PANK1: variants seen among roughly 807,000 people sequenced by gnomAD.
PANK1 encodes the protein pantothenic acid kinase 1.
Under a neutral mutation model 40.1 loss-of-function variants are expected in PANK1, and 18 were observed. The ratio of observed to expected loss-of-function variants is 0.45; its 90% CI spans 0.31 to 0.67. PANK1 has a LOEUF of 0.67. Ranked by LOEUF, PANK1 falls within the 30% of genes least tolerant of loss-of-function variation. PANK1 has a pLI of 0.06. For missense variants in PANK1, 457 were observed against 599.6 expected, an observed-to-expected ratio of 0.76 and a Z score of 2.48; for synonymous variants, 242 against 237.7, an observed-to-expected ratio of 1.02 and a Z score of -0.17.
chr10:89,598,954 C>G (rs983342228), intron 3 of PANK1, among the ~76,000 whole-genome samples: 8 of 152,214 alleles, frequency 5.3e-5, no homozygotes, highest in Non-Finnish European at 1.2e-4. Context: ...CTGAATTCTA[C>G]TGACCCTGCC....
chr10:89,596,360 T>C (rs1316834290), intron 3 of PANK1, among the ~76,000 whole-genome samples: 2 of 152,150 alleles, frequency 1.3e-5, no homozygotes, highest in East Asian at 3.9e-4. Context: ...CTGGCTAACT[T>C]AGAAAGAAGG....
At chr10:89,632,552 T>TGA (rs1199894654) in intron 1 of PANK1, among the ~76,000 whole-genome samples, 1 of 152,094 alleles carries the variant, frequency 6.6e-6, no homozygotes, top group Non-Finnish European at 1.5e-5. Context: ...TCAAAATAAC[T>TGA]GAAGTCATTA....
chr10:89,635,660 C>T (rs947674808), intron 1 of PANK1, among the ~76,000 whole-genome samples: 2 of 152,188 alleles, frequency 1.3e-5, no homozygotes, highest in Non-Finnish European at 2.9e-5. Flanking sequence ...AGCATCAGCT[C>T]AGAAGTTCAA....
In PANK1 at chr10:89,644,849, A is replaced by G; in HGVS notation, c.43T>C (p.Ser15Pro). 6.9e-7 allele frequency: 1 copy of G among 1,453,442 alleles called. No homozygotes were observed. The highest frequency in any genetic ancestry group is 9.0e-7 in the Non-Finnish European group (1 of 1,110,762). The allele number at this position is 1,453,442 out of a possible 1,614,324, so 90.0% of individuals were successfully genotyped here. Residue 15 changes from serine (S) to proline (P), a missense_variant, in exon 1 of 7, where the codon TCT becomes CCT. By Grantham distance (74) the Ser-to-Pro change is moderately conservative (BLOSUM62 -1). Around this residue, in one of 4 missense-constraint regions of PANK1, gnomAD observed 144 missense variants for 131.2 expected, o/e 1.10. Transcript: ENST00000307534. ...SGQQERSVPH[S>P]PGAPVGTSAA... ...CTGGTGCCCACGGGGGCCCCTGGAGAGTGCGGGACCGAGCGCTCCTGCTGC... is the reference window on the plus strand; with the variant it reads ...CTGGTGCCCACGGGGGCCCCTGGAGGGTGCGGGACCGAGCGCTCCTGCTGC...
Position 89,643,565 on chromosome 10 carries a change from G to GGAAAAGTGA in PANK1, c.292+1026_292+1034dup, listed in dbSNP as rs553248584. ...AAGAGTCAAAAAGACATAGAAACAG[G>GGAAAAGTGA]GAAAAGTGAAGGTGTTATTTGCCAA... is the stretch of plus-strand genomic sequence containing the variant. On this transcript the variant is annotated intron_variant, in intron 1 of 6. Transcript: ENST00000307534. 117 of 655,558 alleles carry GGAAAAGTGA rather than the reference G, an allele frequency of 1.8e-4. No homozygotes were observed. In the East Asian group the frequency reaches 3.0e-3, roughly 17 times the overall value. The allele number at this position is 655,558 out of a possible 1,614,324, so 40.6% of individuals were successfully genotyped here. A position where few individuals can be genotyped will look rare whatever the true frequency, so the allele number is the denominator to read the frequency against.
chr10:89,627,582 G>A (rs1447414107), intron 1 of PANK1, among the ~76,000 whole-genome samples: 22 of 152,216 alleles, frequency 1.4e-4, no homozygotes, highest in Admixed American at 1.2e-3. Context: ...GTCAGGATGC[G>A]GCAATGAGCC....
At chr10:89,618,171 G>T (rs576124723) in intron 1 of PANK1, among the ~76,000 whole-genome samples, 2 of 152,332 alleles carry the variant, frequency 1.3e-5, no homozygotes, top group South Asian at 4.1e-4. Flanking sequence ...AAGGCAGGGG[G>T]CCCAGAGGGA....
chr10:89,604,670 G>GC (rs1302636588), intron 2 of PANK1, among the ~76,000 whole-genome samples: 1 of 135,238 alleles, frequency 7.4e-6, no homozygotes, highest in Non-Finnish European at 1.5e-5. Flanking sequence ...CTCCAGCCTG[G>GC]GCACAGACTG....
chr10:89,622,426 G>C (rs1845514617), intron 1 of PANK1, among the ~76,000 whole-genome samples: 1 of 152,100 alleles, frequency 6.6e-6, no homozygotes, highest in African/African-American at 2.4e-5. Context: ...ATCTTTCTAT[G>C]GGTTTATTTG....
intron 2 of PANK1, 44 bp from the exon 3 acceptor site, chr10:89,599,549 G>T: frequency 6.3e-7 from 1 of 1,578,764 alleles, no homozygotes; most frequent in South Asian, 1.2e-5. Flanking sequence ...TGAGATAGGC[G>T]ACCATCTAAG....
chr10:89,595,824 AAAAAAAAAAATAT>A lies in PANK1; in HGVS notation c.900-1848_900-1836del, dbSNP rs1465500095. ...AGAGCCGGACTCCATCTTAAAAAAA[AAAAAAAAAAATAT>A]ATATATATATATATATATATATATA... On this transcript the variant is annotated intron_variant, in intron 3 of 6. Coordinates refer to ENST00000307534, the MANE Select transcript of PANK1 (RefSeq NM_148977.3). Among the ~76,000 whole-genome samples, 30 of 52,722 alleles carry A rather than the reference AAAAAAAAAAATAT, an allele frequency of 5.7e-4. 3 individuals carry two copies. In the East Asian group the frequency reaches 0.011, roughly 19 times the overall value. 34.6% of individuals were successfully genotyped at this position (52,722 alleles called of 152,430 possible).
Position 89,645,142 on chromosome 10 carries a change from TCGGGGATCCCCGCGCACCCCCAGC to T in PANK1, c.-275_-252del, listed in dbSNP as rs1842079805. ...GAGCACGCCAGCCCCGGGCGCGGAATCGGGGATCCCCGCGCACCCCCAGCCGGGGCTCCCGCCGCCCGCCTTCCC... is the reference window on the plus strand; with the variant it reads ...GAGCACGCCAGCCCCGGGCGCGGAATCGGGGCTCCCGCCGCCCGCCTTCCC... On this transcript the variant is annotated 5_prime_UTR_variant, in exon 1 of 7. Transcript: ENST00000307534. 1 of 1,514,698 alleles carries T rather than the reference TCGGGGATCCCCGCGCACCCCCAGC, an allele frequency of 6.6e-7. No individual in the cohort carries two copies. 93.8% of individuals were successfully genotyped at this position (1,514,698 alleles called of 1,614,324 possible). A position where few individuals can be genotyped will look rare whatever the true frequency, so the allele number is the denominator to read the frequency against.
chr10:89,600,777 T>A (rs939953462), intron 2 of PANK1, among the ~76,000 whole-genome samples: 2 of 152,124 alleles, frequency 1.3e-5, no homozygotes, highest in Admixed American at 6.5e-5. Context: ...GAAACATCAT[T>A]TTCCATGGAC....
Position 89,644,989 on chromosome 10 carries a change from T to C in PANK1, c.-98A>G. 2 of 1,576,532 alleles carry C rather than the reference T, an allele frequency of 1.3e-6. No individual in the cohort carries two copies. The highest frequency in any genetic ancestry group is 1.7e-6 in the Non-Finnish European group (2 of 1,164,454). On this transcript the variant is annotated 5_prime_UTR_variant, in exon 1 of 7. Transcript: ENST00000307534. ...TATTTCCCCGGATCCTCCCTGCGGC[T>C]TCCGATTCAGCAGCCGCAGAGCCGG...
chr10:89,602,223 A>G (rs1844809123), intron 2 of PANK1, among the ~76,000 whole-genome samples: 1 of 152,270 alleles, frequency 6.6e-6, no homozygotes, highest in African/African-American at 2.4e-5. Context: ...GAAAAAAGAA[A>G]AACCTGCCAA....
intron 3 of PANK1, among the ~76,000 whole-genome samples, chr10:89,596,579 C>G (rs973266040): frequency 1.3e-5 from 2 of 152,220 alleles, no homozygotes; most frequent in African/African-American, 4.8e-5. Flanking sequence ...TATCCTTAAC[C>G]TGCTAACCAT....
chr10:89,638,440 GTTGC>G (rs766291463), intron 1 of PANK1, among the ~76,000 whole-genome samples: 46 of 152,090 alleles, frequency 3.0e-4, no homozygotes, highest in Non-Finnish European at 5.3e-4. Context: ...TTATCAACTG[GTTGC>G]TTGCCCACAC....
chr10:89,601,065 C>T (rs1191461026), intron 2 of PANK1, among the ~76,000 whole-genome samples: 1 of 152,182 alleles, frequency 6.6e-6, no homozygotes, highest in East Asian at 1.9e-4. Context: ...ACTTGCTGTA[C>T]TTCTCGTGTC....
At chr10:89,635,848 A>G (rs1320451029) in intron 1 of PANK1, among the ~76,000 whole-genome samples, 1 of 152,244 alleles carries the variant, frequency 6.6e-6, no homozygotes, top group Non-Finnish European at 1.5e-5. Flanking sequence ...ATAGGCAAGA[A>G]GAAAGGGATA....
Sources: gnomAD v4.1 joint callset for allele counts (sites outside exome capture counted in the v4.1 genomes callset) on GRCh38, gnomAD v4.1.1 for gene constraint, gnomAD v4.1.1 regional missense constraint, MANE v1.5 for transcripts, NCBI Gene and HGNC (gene_info 2026-07-23, HGNC 2026-07-21) for gene names.